The following CLPB variants were observed in gnomAD, a reference collection of about 807,000 sequenced individuals.
CLPB encodes ClpB family mitochondrial disaggregase, also known as mitochondrial disaggregase.
CLPB carries 40 observed loss-of-function variants against 78.4 expected under a neutral mutation model. The observed-to-expected ratio is 0.51, with a 90% confidence interval of 0.40 to 0.66. CLPB has a LOEUF of 0.66. CLPB is among the 30% of genes least tolerant of loss of function. CLPB has a pLI of 0.00. For missense variants in CLPB, 780 were observed against 886.9 expected (o/e 0.88, Z 1.53); for synonymous variants, 333 against 348.0 (o/e 0.96, Z 0.48).
chr11:72,420,094 C>T (rs1856147868), intron 2 of CLPB, among the ~76,000 whole-genome samples: 1 of 152,202 alleles, frequency 6.6e-6, no homozygotes, highest in Non-Finnish European at 1.5e-5. Context: ...ACCTGTAATC[C>T]CAGCACTTTG....
At chr11:72,356,647 T>TGGGG (rs1936293724) in intron 5 of CLPB, among the ~76,000 whole-genome samples, 1 of 151,928 alleles carries the variant, frequency 6.6e-6, no homozygotes, top group South Asian at 2.1e-4. Context: ...AATGTAAAGG[T>TGGGG]GGGGGCTAAG....
chr11:72,347,089 G>C (rs1429401590), intron 5 of CLPB, among the ~76,000 whole-genome samples: 1 of 151,844 alleles, frequency 6.6e-6, no homozygotes, highest in Non-Finnish European at 1.5e-5. Flanking sequence ...AATGCCAAGT[G>C]CTAACTGGTC....
At chr11:72,420,749 G>A (rs1036181032) in intron 2 of CLPB, among the ~76,000 whole-genome samples, 3 of 152,348 alleles carry the variant, frequency 2.0e-5, no homozygotes, top group East Asian at 3.9e-4. Context: ...AGATAAGAGA[G>A]GGAGAGGTCC....
chr11:72,385,739 C>T (rs1232510373), intron 3 of CLPB, among the ~76,000 whole-genome samples: 3 of 152,156 alleles, frequency 2.0e-5, no homozygotes, highest in African/African-American at 7.2e-5. Context: ...AGGAGAATCG[C>T]TTGAATCCGG....
intron 2 of CLPB, among the ~76,000 whole-genome samples, chr11:72,411,512 TATA>T (rs1186693931): frequency 6.6e-6 from 1 of 152,254 alleles, no homozygotes; most frequent in Non-Finnish European, 1.5e-5. Context: ...CTACCAGCTC[TATA>T]ATGTTATAAT....
In CLPB at chr11:72,430,610, T is replaced by C. The variant is rs1033251480; in HGVS notation, c.404-247A>G. ...TTCACTCCTCTCATCATAGAGGGAA[T>C]GCAGGTCAACTGCTAGCACCACGTC... On this transcript the variant is annotated intron_variant, in intron 1 of 15. Coordinates refer to ENST00000538039, the MANE Select transcript of CLPB (RefSeq NM_001258392.3). 27 of 509,698 alleles carry C rather than the reference T, an allele frequency of 5.3e-5. No individual in the cohort carries two copies. The East Asian group carries it at 6.0e-4, about 11-fold the overall frequency. 31.6% of individuals were successfully genotyped at this position (509,698 alleles called of 1,614,324 possible).
chr11:72,375,800 C>CGCTGAATTAT (rs1854677393), intron 4 of CLPB, among the ~76,000 whole-genome samples: 1 of 152,176 alleles, frequency 6.6e-6, no homozygotes, highest in Admixed American at 6.5e-5. Context: ...GGTAAGAACA[C>CGCTGAATTAT]GCTGAATTAT....
Position 72,287,948 on chromosome 11 carries a change from AATTT to A in CLPB, c.*5415_*5418del, listed in dbSNP as rs942840100. 2 of 151,684 alleles carry A rather than the reference AATTT, an allele frequency of 1.3e-5. No homozygotes were observed. The highest frequency in any genetic ancestry group is 2.4e-5 in the African/African-American group (1 of 41,306). 9.4% of individuals were successfully genotyped at this position (151,684 alleles called of 1,614,324 possible). On this transcript the variant is annotated 3_prime_UTR_variant, in exon 16 of 16. Transcript: ENST00000538039. ...TATTGGTGCTTTCAAAGAATTTTTT[AATTT>A]ATTCTTTTTCTTTTTCCTACCTTGT...
At chr11:72,374,879 C>A (rs573931656) in intron 4 of CLPB, among the ~76,000 whole-genome samples, 2 of 152,282 alleles carry the variant, frequency 1.3e-5, no homozygotes, top group South Asian at 4.1e-4. Context: ...ATTTTGGTTA[C>A]ATCTATTGTT....
intron 5 of CLPB, chr11:72,336,637 G>A (rs1392683526): frequency 1.3e-5 from 2 of 156,040 alleles, no homozygotes; most frequent in Admixed American, 6.5e-5. Flanking sequence ...TTTATTGCTA[G>A]TGGCTTTACC....
At chr11:72,417,595 T>C (rs1856061112) in intron 2 of CLPB, among the ~76,000 whole-genome samples, 1 of 152,230 alleles carries the variant, frequency 6.6e-6, no homozygotes, top group South Asian at 2.1e-4. Flanking sequence ...TTGAATTTTA[T>C]GGTATGTGAA....
At chr11:72,430,124 A>C (rs963395886) in intron 2 of CLPB, among the ~76,000 whole-genome samples, 188 bp downstream of exon 2, 5 of 152,226 alleles carry the variant, frequency 3.3e-5, no homozygotes, top group African/African-American at 1.2e-4. Flanking sequence ...CTGACTCCCT[A>C]CCGAAAATAT....
At position 72,409,823 on chromosome 11, in the gene CLPB, CA is replaced by C. The variant is rs960251866; in HGVS notation, c.456-6772del. On this transcript the variant is annotated intron_variant, in intron 2 of 15. Coordinates refer to ENST00000538039, the MANE Select transcript of CLPB (RefSeq NM_001258392.3). ...TAAAACCCCGTCTCTACTAAATATACAAAATTAGCTGGGCGTGGTGGCGCAC... is the reference window on the plus strand; with the variant it reads ...TAAAACCCCGTCTCTACTAAATATACAAATTAGCTGGGCGTGGTGGCGCAC... 5.4e-4 allele frequency among the ~76,000 whole-genome samples: 82 copies of C among 151,448 alleles called. 1 individual carries two copies. Among genetic ancestry groups the C allele is most frequent in the Non-Finnish European group, 1.3e-4 (9 of 67,814 alleles).
chr11:72,359,407 T>A (rs1445119278), intron 4 of CLPB, among the ~76,000 whole-genome samples: 1 of 152,056 alleles, frequency 6.6e-6, no homozygotes, highest in Non-Finnish European at 1.5e-5. Context: ...GAAGAGAGGA[T>A]CCCAGAAGAC....
chr11:72,390,453 GA>G (rs1329085745), intron 3 of CLPB, among the ~76,000 whole-genome samples: 70 of 69,564 alleles, frequency 1.0e-3, no homozygotes, highest in Non-Finnish European at 1.2e-3. Context: ...AAACGAAATA[GA>G]AAAAAAAAAA....
At chr11:72,381,324 C>T (rs945498009) in intron 3 of CLPB, among the ~76,000 whole-genome samples, 14 of 152,286 alleles carry the variant, frequency 9.2e-5, no homozygotes, top group African/African-American at 3.4e-4. Flanking sequence ...CTCCCAAACT[C>T]CCGGCTGATA....
chr11:72,433,923 C>T, intron 1 of CLPB, 149 bp downstream of exon 1: 1 of 956,974 alleles, frequency 1.0e-6, no homozygotes, highest in Non-Finnish European at 1.6e-6. Context: ...TAGGGCAACA[C>T]CCTGCCCCTG....
At chr11:72,428,790 A>G (rs548174860) in intron 2 of CLPB, 60 of 152,374 alleles carry the variant, frequency 3.9e-4, no homozygotes, top group African/African-American at 1.4e-3. Flanking sequence ...AAATTGTCTG[A>G]ATCACACATA....
At chr11:72,394,081 T>C (rs1855333463) in intron 3 of CLPB, among the ~76,000 whole-genome samples, 1 of 152,206 alleles carries the variant, frequency 6.6e-6, no homozygotes, top group Non-Finnish European at 1.5e-5. Context: ...GTCATTTACA[T>C]TTACTAGTCT....
Sources: allele counts gnomAD v4.1 joint callset (sites outside exome capture counted in the v4.1 genomes callset), GRCh38; gene constraint gnomAD v4.1.1; transcripts MANE v1.5; gene names NCBI Gene and HGNC (gene_info 2026-07-23, HGNC 2026-07-21).